ZC3HC1: variants seen among roughly 807,000 people sequenced by gnomAD.
ZC3HC1 encodes zinc finger C3HC-type protein 1.
In ZC3HC1, 38 loss-of-function variants were observed where a neutral mutation model predicts 61.9. That is an observed-to-expected ratio of 0.61 (90% CI 0.47 to 0.81). The LOEUF (loss-of-function observed/expected upper bound fraction) is 0.81, where lower values mean the gene tolerates loss of function less well. ZC3HC1 is among the 30% of genes least tolerant of loss of function. The probability of loss-of-function intolerance (pLI) is 0.00; values close to 1 mark genes in which losing one functional copy is unlikely to be tolerated. For missense variants in ZC3HC1, 554 were observed against 622.7 expected (o/e 0.89, Z 1.17); for synonymous variants, 213 against 229.9 (o/e 0.93, Z 0.67).
chr7:130,033,458 T>C (rs1216621413), intron 4 of ZC3HC1, among the ~76,000 whole-genome samples: 1 of 142,640 alleles, frequency 7.0e-6, no homozygotes, highest in East Asian at 2.0e-4. Context: ...TTTTTTTTTT[T>C]TTTTTTTTTT....
At chr7:130,024,892 CTCT>C (rs1172760710) in intron 6 of ZC3HC1, among the ~76,000 whole-genome samples, 4 of 120,896 alleles carry the variant, frequency 3.3e-5, no homozygotes, top group African/African-American at 9.1e-5. Flanking sequence ...TCTCCTGTCC[CTCT>C]TTTTTTTTTT....
chr7:130,046,708 T>C (rs1202328048), intron 2 of ZC3HC1, among the ~76,000 whole-genome samples: 1 of 152,236 alleles, frequency 6.6e-6, no homozygotes, highest in Non-Finnish European at 1.5e-5. Context: ...AATAAACTTA[T>C]GACATAACGT....
intron 2 of ZC3HC1, among the ~76,000 whole-genome samples, chr7:130,044,869 G>A (rs1036719565): frequency 6.6e-6 from 1 of 152,054 alleles, no homozygotes; most frequent in African/African-American, 2.4e-5. Flanking sequence ...TAATCACAAA[G>A]AAACATCAAA....
chr7:130,044,928 A>G (rs544575671), intron 2 of ZC3HC1, among the ~76,000 whole-genome samples: 1 of 152,222 alleles, frequency 6.6e-6, no homozygotes, highest in East Asian at 1.9e-4. Flanking sequence ...TGTAATCTTC[A>G]AAAGTATCAA....
At chr7:130,030,417 C>A (rs558206767) in intron 4 of ZC3HC1, among the ~76,000 whole-genome samples, 2 of 152,184 alleles carry the variant, frequency 1.3e-5, no homozygotes, top group East Asian at 3.9e-4. Context: ...CCAGGCTGAT[C>A]TTTAACTCTT....
intron 2 of ZC3HC1, among the ~76,000 whole-genome samples, chr7:130,045,145 C>T (rs1390539641): frequency 6.6e-6 from 1 of 152,120 alleles, no homozygotes; most frequent in Non-Finnish European, 1.5e-5. Context: ...TGGTTGCATT[C>T]TGGTTATGTA....
intron 1 of ZC3HC1, among the ~76,000 whole-genome samples, chr7:130,049,571 G>A (rs181540945): frequency 6.6e-6 from 1 of 150,430 alleles, no homozygotes; most frequent in Non-Finnish European, 1.5e-5. Context: ...TTGAGATGGA[G>A]TCTCGCTCTG....
At chr7:130,030,737 G>C (rs1042088562) in intron 4 of ZC3HC1, among the ~76,000 whole-genome samples, 22 of 150,120 alleles carry the variant, frequency 1.5e-4, no homozygotes, top group Non-Finnish European at 3.0e-5. Context: ...GCGTGATCTC[G>C]GCTCACTGCA....
chr7:130,031,257 C>T (rs1201545368), intron 4 of ZC3HC1, among the ~76,000 whole-genome samples: 14 of 140,510 alleles, frequency 1.0e-4, no homozygotes, highest in East Asian at 4.4e-4. Context: ...ACCCGGGAGG[C>T]GGAGGTTTGG....
intron 2 of ZC3HC1, among the ~76,000 whole-genome samples, chr7:130,048,595 G>A (rs927177181): frequency 1.3e-5 from 2 of 152,174 alleles, no homozygotes; most frequent in Non-Finnish European, 2.9e-5. Context: ...TTATAGTAGT[G>A]TAGTCTCTAA....
chr7:130,023,186 T>C lies in ZC3HC1; in HGVS notation c.1233+325A>G. 3 of 335,384 alleles carry C rather than the reference T, an allele frequency of 8.9e-6. No individual in the cohort carries two copies. The highest frequency in any genetic ancestry group is 1.6e-5 in the Non-Finnish European group (3 of 181,884). The allele number at this position is 335,384 out of a possible 1,614,324, so 20.8% of individuals were successfully genotyped here. A position where few individuals can be genotyped will look rare whatever the true frequency, so the allele number is the denominator to read the frequency against. ...AAACCATCCTCCCAACCGTGGTCCG[T>C]GGAAAAATGGTCTTCCATGAAAACG... On this transcript the variant is annotated intron_variant, in intron 8 of 9. Coordinates refer to ENST00000358303, the MANE Select transcript of ZC3HC1 (RefSeq NM_016478.5). The surrounding 1 kb of genome is among the most constrained non-coding windows in gnomAD (Gnocchi z 4.2).
Position 130,051,294 on chromosome 7 carries a change from G to C in ZC3HC1, c.73C>G (p.Pro25Ala), listed in dbSNP as rs779499534. ...CGGATTTTCTGGGGGGTCCCTTCTG[G>C]GGAGCGAACTACTGCACCCCAATTC... ...EKNWGAVVRS[P>A]EGTPQKIRQL... Residue 25 changes from proline to alanine, a missense_variant, in exon 1 of 10, where the codon CCA (proline) becomes GCA (alanine). Coordinates refer to ENST00000358303, the MANE Select transcript of ZC3HC1 (RefSeq NM_016478.5). The C allele has an allele frequency of 6.2e-7, 1 of 1,613,078 alleles. No individual in the cohort carries two copies. The highest frequency in any genetic ancestry group is 1.1e-5 in the South Asian group (1 of 90,896).
At chr7:130,027,733 G>T (rs1456525207) in intron 5 of ZC3HC1, among the ~76,000 whole-genome samples, 1 of 151,920 alleles carries the variant, frequency 6.6e-6, no homozygotes, top group Non-Finnish European at 1.5e-5. Flanking sequence ...TGGCCAGGCT[G>T]GTCTCGAACT....
chr7:130,043,657 A>T (rs1794762645), intron 2 of ZC3HC1: 1 of 293,300 alleles, frequency 3.4e-6, no homozygotes, highest in Non-Finnish European at 6.7e-6. Flanking sequence ...TCAGTCTTAA[A>T]GCCATTAGGC....
Position 130,040,873 on chromosome 7 carries a change from C to A in ZC3HC1, c.409+78G>T. The A allele has an allele frequency of 7.2e-6, 10 of 1,383,564 alleles. No individual in the cohort carries two copies. The South Asian group carries it at 8.3e-5, about 12-fold the overall frequency. The allele number at this position is 1,383,564 out of a possible 1,614,324, so 85.7% of individuals were successfully genotyped here. Reference sequence around the variant, plus strand: ...GCATTTTTTGATCAAACTAAAATGACCTTTTTTCCCCCCCCAGAAAACCAG... The same window carrying A: ...GCATTTTTTGATCAAACTAAAATGAACTTTTTTCCCCCCCCAGAAAACCAG... On this transcript the variant is annotated intron_variant, in intron 3 of 9. Transcript: ENST00000358303.
chr7:130,049,782 C>G (rs1047202893), intron 1 of ZC3HC1, among the ~76,000 whole-genome samples: 6 of 151,946 alleles, frequency 3.9e-5, no homozygotes, highest in African/African-American at 1.5e-4. Context: ...TAACTCCTGA[C>G]TTTGTGATTG....
rs138462517 is a variant in ZC3HC1 at position 130,040,988 on chromosome 7, G to C, written c.372C>G (p.Leu124=). The change falls in exon 3 of 10, where the codon CTC becomes CTG. Residue 124 remains leucine, a synonymous_variant. Coordinates refer to ENST00000358303, the MANE Select transcript of ZC3HC1 (RefSeq NM_016478.5). ...MLKCSSCQAF[L]CASLQPAFDF... The stretch of plus-strand genomic sequence containing the variant: ...CAAAAGCTGGTTGTAAACTGGCACA[G>C]AGAAAAGCTTGACAGCTAGAGCACT... The C allele has an allele frequency of 6.2e-7, 1 of 1,613,174 alleles. No individual in the cohort carries two copies. The highest frequency in any genetic ancestry group is 1.1e-5 in the South Asian group (1 of 90,860).
chr7:130,020,036 T>C (rs4454221), intron 9 of ZC3HC1, among the ~76,000 whole-genome samples: 147,983 of 150,990 alleles, frequency 0.98, 72,575 homozygotes, highest in Middle Eastern at 1. Flanking sequence ...AGGATGGTCT[T>C]GATCTCCTGA....
chr7:130,022,174 AAAAC>A (rs892651407), intron 9 of ZC3HC1, 141 bp downstream of exon 9: 96 of 1,111,034 alleles, frequency 8.6e-5, no homozygotes, highest in South Asian at 4.0e-4. Flanking sequence ...TCCATCTCAA[AAAAC>A]AAACAAACAA....
Sources: gnomAD v4.1 joint callset for allele counts (sites outside exome capture counted in the v4.1 genomes callset) on GRCh38, gnomAD v4.1.1 for gene constraint, Gnocchi (gnomAD v3.1) non-coding constraint, MANE v1.5 for transcripts, NCBI Gene and HGNC (gene_info 2026-07-23, HGNC 2026-07-21) for gene names.